The following DDX60 variants were observed in gnomAD, a reference collection of about 807,000 sequenced individuals.
The protein encoded by DDX60 is DExD/H-box helicase 60.
Under a neutral mutation model 212.8 loss-of-function variants are expected in DDX60, and 165 were observed. That is an observed-to-expected ratio of 0.78 (90% CI 0.68 to 0.88). DDX60 has a LOEUF of 0.88. DDX60 is among the 40% of genes least tolerant of loss of function. DDX60 has a pLI of 0.00. For missense variants in DDX60, 1,905 were observed against 2,003.9 expected, an observed-to-expected ratio of 0.95 and a Z score of 0.94; for synonymous variants, 703 against 685.3, an observed-to-expected ratio of 1.03 and a Z score of -0.40.
chr4:168,306,774 T>A, intron 4 of DDX60, 54 bp from the exon 5 acceptor site: 1 of 1,354,648 alleles, frequency 7.4e-7, no homozygotes, highest in Non-Finnish European at 1.0e-6. Context: ...TTTAATCATT[T>A]AGTTGGCTAA....
chr4:168,279,847 A>C (rs993801153), intron 14 of DDX60, among the ~76,000 whole-genome samples: 4 of 152,226 alleles, frequency 2.6e-5, no homozygotes, highest in African/African-American at 9.6e-5. Flanking sequence ...AATTACATGG[A>C]TATTAAAAGA....
At position 168,306,391 on chromosome 4, in the gene DDX60, A is replaced by T. The variant is rs748256950; in HGVS notation, c.594T>A (p.Ile198=). ...YLLPSMYRHQ[I]FSWKNKQNIK... ...GGATGTGAATTACCTTCCAGGAAAA[A>T]ATCTGGTGTCTGTACATGCTTGGAA... is the stretch of plus-strand genomic sequence containing the variant. The change falls in exon 5 of 38, where the codon ATT becomes ATA. Residue 198 remains isoleucine (I), a synonymous_variant. Transcript: ENST00000393743. 6.3e-7 allele frequency: 1 copy of T among 1,591,012 alleles called. No homozygotes were observed. Among genetic ancestry groups the T allele is most frequent in the East Asian group, 2.2e-5 (1 of 44,496 alleles).
intron 3 of DDX60, among the ~76,000 whole-genome samples, chr4:168,309,119 C>T (rs72693171): frequency 0.031 from 4,652 of 152,188 alleles, 84 homozygotes; most frequent in Non-Finnish European, 0.046. Flanking sequence ...ACTTTGTAGC[C>T]ACTTCTTGTT....
At position 168,275,403 on chromosome 4, in the gene DDX60, C is replaced by T. The variant is rs780613671; in HGVS notation, c.2246G>A (p.Arg749Gln). Residue 749 changes from arginine to glutamine, a missense_variant, in exon 16 of 38, where the codon CGA (arginine) becomes CAA (glutamine). By Grantham distance (43) the Arg-to-Gln change is conservative. Transcript: ENST00000393743. ...GGGATCTGGGTCTTTTCTCTCATCT[C>T]GTATCAAATAATGGCCCATGTATTG... ...QLQYMGHYLI[R>Q]DERKDPDPRV... 3.7e-6 allele frequency: 6 copies of T among 1,612,722 alleles called. No homozygotes were observed. Among genetic ancestry groups the T allele is most frequent in the East Asian group, 2.2e-5 (1 of 44,862 alleles).
At chr4:168,311,702 T>A (rs1181044411) in intron 1 of DDX60, among the ~76,000 whole-genome samples, 1 of 152,124 alleles carries the variant, frequency 6.6e-6, no homozygotes, top group East Asian at 1.9e-4. Context: ...AAAAGCTCAG[T>A]GGCGTGAAGG....
intron 1 of DDX60, among the ~76,000 whole-genome samples, chr4:168,314,719 C>A (rs1221211362): frequency 6.6e-6 from 1 of 152,058 alleles, no homozygotes; most frequent in East Asian, 1.9e-4. Context: ...AGGAATAAGT[C>A]AATAAGCTCT....
intron 8 of DDX60, among the ~76,000 whole-genome samples, chr4:168,289,819 T>G (rs1736009869): frequency 6.6e-6 from 1 of 152,208 alleles, no homozygotes; most frequent in Non-Finnish European, 1.5e-5. Flanking sequence ...ATTCTTCACC[T>G]TAAATAACTC....
chr4:168,300,225 T>G (rs777825136), intron 6 of DDX60, among the ~76,000 whole-genome samples: 8 of 152,038 alleles, frequency 5.3e-5, no homozygotes, highest in African/African-American at 1.9e-4. Flanking sequence ...CATTCATGCA[T>G]TCATGATAAA....
intron 9 of DDX60, among the ~76,000 whole-genome samples, chr4:168,287,909 A>T (rs1735930632): frequency 6.6e-6 from 1 of 152,184 alleles, no homozygotes; most frequent in Non-Finnish European, 1.5e-5. Context: ...GAAAAGTTCA[A>T]CTTTTGAAAT....
intron 25 of DDX60, among the ~76,000 whole-genome samples, chr4:168,258,438 A>AT (rs56799126): frequency 1.9e-4 from 28 of 150,482 alleles, no homozygotes; most frequent in Non-Finnish European, 3.6e-4. Context: ...TGCTCCATGT[A>AT]TTTTTTTTTT....
intron 14 of DDX60, among the ~76,000 whole-genome samples, chr4:168,277,431 TA>T (rs1218560124): frequency 6.6e-6 from 1 of 152,306 alleles, no homozygotes; most frequent in East Asian, 1.9e-4. Flanking sequence ...ATGTGCTATA[TA>T]TTTGCCCTTG....
At chr4:168,235,965 ATCTTT>A (rs1257744622) in intron 33 of DDX60, 7 of 308,400 alleles carry the variant, frequency 2.3e-5, no homozygotes, top group Non-Finnish European at 4.2e-5. Flanking sequence ...TAATTAGCAT[ATCTTT>A]TCTTTAGTCA....
At chr4:168,311,943 G>C (rs369391322) in intron 1 of DDX60, among the ~76,000 whole-genome samples, 3 of 152,170 alleles carry the variant, frequency 2.0e-5, no homozygotes, top group African/African-American at 4.8e-5. Flanking sequence ...ACAATATAGA[G>C]AATAAACAGG....
Position 168,225,543 on chromosome 4 carries a change from G to A in DDX60, c.4667C>T (p.Pro1556Leu). Residue 1556 changes from proline to leucine, a missense_variant, in exon 34 of 38, where the codon CCA becomes CTA. Coordinates refer to ENST00000393743, the MANE Select transcript of DDX60 (RefSeq NM_017631.6). ...AATATACTTACTGATTTTTGACAAT[G>A]GGAGTTGATATTCCTGATTCATATC... ...LADMNQEYQL[P>L]LSKIKFTGKE... is the part of the protein sequence containing the mutation. 1 of 1,604,788 alleles carries A rather than the reference G, an allele frequency of 6.2e-7. No individual in the cohort carries two copies. The highest frequency in any genetic ancestry group is 8.5e-7 in the Non-Finnish European group (1 of 1,176,884).
At position 168,306,433 on chromosome 4, in the gene DDX60, G is replaced by T; in HGVS notation, c.552C>A (p.Cys184Ter). ...TGCTTGGAAGAAGGTATGCATAAAG[G>T]CAAAGAACATCAGATTCTTGCCCTG... ...LSSGQESDVL[C>*]LYAYLLPSMY... is the part of the protein sequence containing the mutation. Residue 184 changes from cysteine to a stop codon, truncating the protein, a stop_gained, in exon 5 of 38, where the codon TGC becomes TGA. Coordinates refer to ENST00000393743, the MANE Select transcript of DDX60 (RefSeq NM_017631.6). LOFTEE classifies it high-confidence loss of function. The T allele has an allele frequency of 1.9e-6, 3 of 1,614,076 alleles. No homozygotes were observed. The highest frequency in any genetic ancestry group is 2.5e-6 in the Non-Finnish European group (3 of 1,179,992).
intron 28 of DDX60, among the ~76,000 whole-genome samples, chr4:168,248,587 C>T (rs970765028): frequency 2.0e-5 from 3 of 152,088 alleles, no homozygotes; most frequent in Non-Finnish European, 4.4e-5. Flanking sequence ...CCAAAATAAC[C>T]ACCCCTACCA....
intron 15 of DDX60, 73 bp from the exon 16 acceptor site, chr4:168,275,576 T>C (rs1735298820): frequency 7.7e-7 from 1 of 1,293,752 alleles, no homozygotes; most frequent in Non-Finnish European, 1.0e-6. Flanking sequence ...AAAACATTTA[T>C]TACTGAGCAC....
chr4:168,242,758 T>C (rs1158874152), intron 30 of DDX60, among the ~76,000 whole-genome samples: 1 of 152,214 alleles, frequency 6.6e-6, no homozygotes, highest in African/African-American at 2.4e-5. Context: ...AATGCTGAAA[T>C]GAGTTAAGAC....
At chr4:168,251,723 G>A (rs923581211) in intron 27 of DDX60, among the ~76,000 whole-genome samples, 2 of 152,066 alleles carry the variant, frequency 1.3e-5, no homozygotes, top group African/African-American at 2.4e-5. Flanking sequence ...AATGATGATC[G>A]AAATACATGG....
Sources: gnomAD v4.1 joint callset for allele counts (sites outside exome capture counted in the v4.1 genomes callset) on GRCh38, gnomAD v4.1.1 for gene constraint, MANE v1.5 for transcripts, NCBI Gene and HGNC (gene_info 2026-07-23, HGNC 2026-07-21) for gene names.